ITIH6: variants seen among roughly 807,000 people sequenced by gnomAD.
ITIH6 encodes the protein inter-alpha-trypsin inhibitor heavy chain family member 6, also known as inter-alpha-trypsin inhibitor heavy chain H6.
A neutral mutation model predicts 58.2 loss-of-function variants in ITIH6; 60 were observed. The observed-to-expected ratio is 1.03, with a 90% CI of 0.84 to 1.28. The LOEUF (loss-of-function observed/expected upper bound fraction) is 1.28, where lower values mean the gene tolerates loss of function less well. Among genes scored for constraint, ITIH6 ranks in the 50% most tolerant of loss-of-function variants. The pLI, the probability that ITIH6 is intolerant of heterozygous loss-of-function variation, is 0.00. For missense variants in ITIH6, 1,290 were observed against 1,021.1 expected (o/e 1.26, Z -3.59); for synonymous variants, 493 against 417.4 (o/e 1.18, Z -2.21).
intron 6 of ITIH6, among the ~76,000 whole-genome samples, chrX:54,766,138 C>T (rs1429374583): frequency 2.7e-5 from 3 of 110,798 alleles, no homozygotes; most frequent in Non-Finnish European, 3.8e-5. Flanking sequence ...CTAGGTATTT[C>T]ATTCTCTTTG....
chrX:54,759,301 G>T (rs1928583570), intron 7 of ITIH6, among the ~76,000 whole-genome samples: 1 of 110,246 alleles, frequency 9.1e-6, no homozygotes, highest in Admixed American at 9.6e-5. Context: ...AGGCTCCCAA[G>T]GCTAGCACCC....
At chrX:54,764,877 CA>C (rs1928736230) in intron 6 of ITIH6, among the ~76,000 whole-genome samples, 1 of 102,448 alleles carries the variant, frequency 9.8e-6, no homozygotes, top group Non-Finnish European at 2.0e-5. Flanking sequence ...GTCCCACCAA[CA>C]GTGTAAAAGT....
In ITIH6 at chrX:54,751,458, T is replaced by C. The variant is rs1928360284; in HGVS notation, c.3353-78A>G. 3 of 1,101,166 alleles carry C rather than the reference T, an allele frequency of 2.7e-6. No individual in the cohort carries two copies. In the East Asian group the frequency reaches 9.0e-5, roughly 33 times the overall value. The allele number at this position is 1,101,166 out of a possible 1,213,427, so 90.7% of individuals were successfully genotyped here. On this transcript the variant is annotated intron_variant, in intron 11 of 12. Transcript: ENST00000218436. ...CATGGTCACCCACAGCATGGGCAGA[T>C]GAAGTAGTGCAGATTTGTGGCTAGA...
chrX:54,762,026 G>A (rs1212198411), intron 6 of ITIH6, among the ~76,000 whole-genome samples: 3 of 111,511 alleles, frequency 2.7e-5, no homozygotes, highest in Non-Finnish European at 5.7e-5. Context: ...AATTACCTTG[G>A]GCAGTATGGC....
intron 6 of ITIH6, among the ~76,000 whole-genome samples, chrX:54,768,520 C>T (rs1282417079): frequency 2.4e-3 from 241 of 98,400 alleles, no homozygotes; most frequent in Non-Finnish European, 3.3e-3. Flanking sequence ...GATTTTGCAG[C>T]GGCTGGTACC....
intron 6 of ITIH6, among the ~76,000 whole-genome samples, chrX:54,766,944 G>T (rs1363573647): frequency 1.8e-5 from 2 of 108,268 alleles, no homozygotes; most frequent in African/African-American, 3.4e-5. Context: ...CTATTGATTG[G>T]AATAGTTTCA....
chrX:54,784,237 A>G (rs1253001635), intron 5 of ITIH6, among the ~76,000 whole-genome samples: 3 of 112,023 alleles, frequency 2.7e-5, no homozygotes, highest in Non-Finnish European at 3.8e-5. Context: ...TACTATTAAT[A>G]CTACAAGAAA....
chrX:54,774,300 C>T, intron 5 of ITIH6, 103 bp from the exon 6 acceptor site: 1 of 383,551 alleles, frequency 2.6e-6, no homozygotes. Context: ...GTGCTTTGTT[C>T]CCCAGGACTT....
At chrX:54,754,655 C>T (rs746631454) in intron 9 of ITIH6, among the ~76,000 whole-genome samples, 42 of 111,252 alleles carry the variant, frequency 3.8e-4, no homozygotes, top group Non-Finnish European at 6.8e-4. Flanking sequence ...GAGAGCGATC[C>T]TCCAGCCAAC....
In ITIH6 at chrX:54,757,773, G is replaced by A. The variant is rs1928531239; in HGVS notation, c.2301C>T (p.Ile767=). The part of the protein sequence containing the change: ...RTQVPPVKPG[I]PASPKADTVK... ...CAGTGTCAGCTTTGGGCGAGGCTGG[G>A]ATGCCAGGTTTCACAGGTGGGACTT... Residue 767 remains isoleucine, a synonymous_variant, in exon 8 of 13, where the codon ATC becomes ATT. Coordinates refer to ENST00000218436, the MANE Select transcript of ITIH6 (RefSeq NM_198510.3). 3 of 1,211,864 alleles carry A rather than the reference G, an allele frequency of 2.5e-6. No individual in the cohort carries two copies. Among genetic ancestry groups the A allele is most frequent in the Non-Finnish European group, 3.4e-6 (3 of 895,480 alleles).
chrX:54,776,447 C>G (rs778746303), intron 5 of ITIH6, among the ~76,000 whole-genome samples: 1 of 110,506 alleles, frequency 9.0e-6, no homozygotes, highest in Admixed American at 9.6e-5. Context: ...CACAACCTAC[C>G]GAGATAGCAG....
intron 12 of ITIH6, among the ~76,000 whole-genome samples, chrX:54,750,502 A>G (rs983116784): frequency 2.7e-5 from 3 of 111,316 alleles, no homozygotes; most frequent in Non-Finnish European, 5.7e-5. Flanking sequence ...CTGGCTTCCT[A>G]CAACCTCCCT....
chrX:54,758,457 G>C lies in ITIH6; in HGVS notation c.1617C>G (p.Thr539=), dbSNP rs919100473. Residue 539 remains threonine, a synonymous_variant, in exon 8 of 13, where the codon ACC becomes ACG. Coordinates refer to ENST00000218436, the MANE Select transcript of ITIH6 (RefSeq NM_198510.3). ...AACCAAAGGCCTTCTGGCTGTTGTT[G>C]GTGGCCCCTTCACTGTGGTGGGCCA... ...LLVAHHSEGA[T]NNSQKAFGCP... is the part of the protein sequence containing the mutation. The C allele has an allele frequency of 1.9e-5, 23 of 1,207,871 alleles. No individual in the cohort carries two copies. The highest frequency in any genetic ancestry group is 2.5e-5 in the Non-Finnish European group (22 of 894,095).
chrX:54,761,135 T>C (rs1928633404), intron 6 of ITIH6, among the ~76,000 whole-genome samples: 1 of 112,213 alleles, frequency 8.9e-6, no homozygotes, highest in African/African-American at 3.2e-5. Flanking sequence ...CCATTTTAAC[T>C]GGTGTGAGAT....
rs1352432064 is a variant in ITIH6, at chrX:54,798,109, C to A, written c.102G>T (p.Lys34Asn). The change falls in exon 1 of 13, where the codon AAG becomes AAT. Residue 34 changes from lysine (K) to asparagine (N), a missense_variant and splice_region_variant. Transcript: ENST00000218436. ...GPPVPASSST[K>N]LLMTSYSMRS... ...TTTTTTCCCTCATCCCAGAACTGAC[C>A]TTTGTGCTTGATGAAGCGGGGACAG... 1.7e-6 allele frequency: 2 copies of A among 1,169,848 alleles called. No individual in the cohort carries two copies. The highest frequency in any genetic ancestry group is 4.8e-5 in the Admixed American group (2 of 41,968).
intron 6 of ITIH6, among the ~76,000 whole-genome samples, chrX:54,764,203 A>G (rs1308625931): frequency 2.7e-5 from 3 of 111,586 alleles, no homozygotes; most frequent in Non-Finnish European, 5.6e-5. Flanking sequence ...GTCATTACTG[A>G]CATAGTTGGA....
chrX:54,753,792 G>A (rs777165905), intron 10 of ITIH6, 28 bp from the exon 11 acceptor site: 1 of 1,151,318 alleles, frequency 8.7e-7, no homozygotes. Context: ...CAACTCTAAA[G>A]TTAAAGGAAT....
chrX:54,795,602 T>C (rs1316743257), intron 2 of ITIH6, among the ~76,000 whole-genome samples: 1 of 111,863 alleles, frequency 8.9e-6, no homozygotes, highest in African/African-American at 3.3e-5. Context: ...GACACAGAAG[T>C]ACTTGCAGTT....
intron 6 of ITIH6, among the ~76,000 whole-genome samples, chrX:54,773,414 C>G (rs888991002): frequency 9.0e-6 from 1 of 111,369 alleles, no homozygotes; most frequent in Non-Finnish European, 1.9e-5. Flanking sequence ...CAAACTCAGC[C>G]TTAGGTCCCA....
Sources: gnomAD v4.1 joint callset for allele counts (sites outside exome capture counted in the v4.1 genomes callset) on GRCh38, gnomAD v4.1.1 for gene constraint, MANE v1.5 for transcripts, NCBI Gene and HGNC (gene_info 2026-07-23, HGNC 2026-07-21) for gene names.